UGDH: variants seen among roughly 807,000 people sequenced by gnomAD.
UGDH encodes the protein UDP-glucose 6-dehydrogenase.
Under a neutral mutation model 50.6 loss-of-function variants are expected in UGDH, and 38 were observed. That is an observed-to-expected ratio of 0.75 (90% CI 0.58 to 0.98). UGDH has a LOEUF of 0.98. Ranked by LOEUF, UGDH falls within the 50% of genes least tolerant of loss-of-function variation. UGDH has a pLI of 0.00. For synonymous variants in UGDH, 168 were observed against 199.9 expected (o/e 0.84, Z 1.35); for missense variants, 465 against 606.2 (o/e 0.77, Z 2.45).
rs777181206 is a variant in UGDH at position 39,514,100 on chromosome 4, C to T, written c.247G>A (p.Asp83Asn). 2.6e-5 allele frequency: 41 copies of T among 1,589,424 alleles called. No individual in the cohort carries two copies. The highest frequency in any genetic ancestry group is 3.4e-5 in the Non-Finnish European group (40 of 1,172,502). The change falls in exon 3 of 12, where the codon GAT becomes AAT. Residue 83 changes from aspartate to asparagine, a missense_variant. Asp to Asn is a conservative substitution (Grantham distance 23). Transcript: ENST00000316423. Reference sequence around the variant, plus strand: ...ATACTTACAGAAATAAATACAAGATCAGCTTCTTTGATGGCATCATCAATA... The same window carrying T: ...ATACTTACAGAAATAAATACAAGATTAGCTTCTTTGATGGCATCATCAATA... The part of the protein sequence containing the change: ...TNIDDAIKEA[D>N]LVFISVNTPT...
chr4:39,521,047 G>T (rs1439189316), intron 2 of UGDH, among the ~76,000 whole-genome samples: 1 of 146,760 alleles, frequency 6.8e-6, no homozygotes, highest in Non-Finnish European at 1.5e-5. Context: ...TCCAGCCTGG[G>T]CGACAGAGGA....
At chr4:39,519,600 G>C (rs577975648) in intron 2 of UGDH, among the ~76,000 whole-genome samples, 1 of 152,012 alleles carries the variant, frequency 6.6e-6, no homozygotes, top group Non-Finnish European at 1.5e-5. Flanking sequence ...GTACAATGGC[G>C]TGATCTCGGC....
In UGDH at chr4:39,505,904, T is replaced by TAAA. The variant is rs11290546; in HGVS notation, c.907-159_907-157dup. Among the ~76,000 whole-genome samples, 241 of 144,404 alleles carry TAAA rather than the reference T, an allele frequency of 1.7e-3. 1 individual carries two copies. The highest frequency in any genetic ancestry group is 4.9e-3 in the African/African-American group (193 of 39,252). The allele number at this position is 144,404 out of a possible 152,430, so 94.7% of individuals were successfully genotyped here. A position where few individuals can be genotyped will look rare whatever the true frequency, so the allele number is the denominator to read the frequency against. On this transcript the variant is annotated intron_variant, in intron 7 of 11. Transcript: ENST00000316423. ...TAACCAAACTCTAGTGCCTATGGAT[T>TAAA]AAAAAAAAAAAAAAATCACTCATCC...
intron 2 of UGDH, among the ~76,000 whole-genome samples, chr4:39,516,582 A>G (rs1746449368): frequency 6.6e-6 from 1 of 152,228 alleles, no homozygotes; most frequent in Non-Finnish European, 1.5e-5. Flanking sequence ...TGTCTATAGC[A>G]AAGTGAAAGC....
chr4:39,524,248 T>C (rs879293697), intron 1 of UGDH, among the ~76,000 whole-genome samples: 1 of 152,196 alleles, frequency 6.6e-6, no homozygotes, highest in Non-Finnish European at 1.5e-5. Flanking sequence ...GTAGAATCAG[T>C]GTCTACTCGT....
At chr4:39,505,894 GC>G in intron 7 of UGDH, 146 bp from the exon 8 acceptor site, 1 of 712,012 alleles carries the variant, frequency 1.4e-6, no homozygotes, top group Non-Finnish European at 2.0e-6. Context: ...AAACTCTAGT[GC>G]CTATGGATTA....
At chr4:39,514,247 A>C in intron 2 of UGDH, 63 bp from the exon 3 acceptor site, 1 of 1,228,890 alleles carries the variant, frequency 8.1e-7, no homozygotes, top group South Asian at 1.3e-5. Context: ...ATAACCTAAT[A>C]GTATAGAATT....
chr4:39,506,470 C>T (rs987027846), intron 7 of UGDH, among the ~76,000 whole-genome samples: 1 of 152,302 alleles, frequency 6.6e-6, no homozygotes, highest in East Asian at 1.9e-4. Context: ...CCAAAGTATT[C>T]CTTCATTTGC....
chr4:39,505,311 A>G lies in UGDH; in HGVS notation c.1097T>C (p.Ile366Thr). 11 of 1,601,470 alleles carry G rather than the reference A, an allele frequency of 6.9e-6. No individual in the cohort carries two copies. The highest frequency in any genetic ancestry group is 8.5e-6 in the Non-Finnish European group (10 of 1,175,350). Residue 366 changes from isoleucine (I) to threonine (T), a missense_variant, in exon 9 of 12, where the codon ATA becomes ACA. Ile to Thr is a moderately conservative substitution (Grantham distance 89). Coordinates refer to ENST00000316423, the MANE Select transcript of UGDH (RefSeq NM_003359.4). ...TTCCCTAGGTACTTTTGGATCATAT[A>G]TATGTAGATGTGCACCTTCATCCAT... ...YLMDEGAHLH[I>T]YDPKVPREQI...
chr4:39,505,628 C>T lies in UGDH; in HGVS notation c.1027G>A (p.Gly343Ser). The change falls in exon 8 of 12, where the codon GGT (glycine) becomes AGT (serine). Residue 343 changes from glycine (G) to serine (S), a missense_variant. Gly to Ser is a moderately conservative substitution (Grantham distance 56, BLOSUM62 0). Coordinates refer to ENST00000316423, the MANE Select transcript of UGDH (RefSeq NM_003359.4). ...ILGFAFKKDT[G>S]DTRESSSIYI... Reference sequence around the variant, plus strand: ...TTTAAAAACTGATACCTTGTATCACCAGTGTCCTTTTTGAATGCAAATCCC... The same window carrying T: ...TTTAAAAACTGATACCTTGTATCACTAGTGTCCTTTTTGAATGCAAATCCC... The T allele has an allele frequency of 1.9e-6, 3 of 1,603,222 alleles. No homozygotes were observed. Among genetic ancestry groups the T allele is most frequent in the Non-Finnish European group, 2.6e-6 (3 of 1,174,388 alleles).
At chr4:39,507,329 G>C (rs981225901) in intron 7 of UGDH, among the ~76,000 whole-genome samples, 1 of 152,346 alleles carries the variant, frequency 6.6e-6, no homozygotes, top group East Asian at 1.9e-4. Flanking sequence ...AGCTCTGTGA[G>C]TCTGAAAGGT....
chr4:39,509,655 G>C (rs1373545083), intron 6 of UGDH, 105 bp downstream of exon 6: 20 of 1,308,560 alleles, frequency 1.5e-5, no homozygotes, highest in Non-Finnish European at 1.9e-5. Flanking sequence ...CTACCTAACA[G>C]GTTATAAGGA....
Position 39,500,004 on chromosome 4 carries a change from T to C in UGDH, c.*139A>G, listed in dbSNP as rs1376875376. ...GAGATTGCACCACTGCACTCCAGCC[T>C]GGGCAACAGTGAGACTCTGTCTCAA... On this transcript the variant is annotated 3_prime_UTR_variant, in exon 12 of 12. Coordinates refer to ENST00000316423, the MANE Select transcript of UGDH (RefSeq NM_003359.4). The C allele has an allele frequency of 1.9e-6, 1 of 528,816 alleles. No homozygotes were observed. The highest frequency in any genetic ancestry group is 2.0e-5 in the African/African-American group (1 of 50,318). The allele number at this position is 528,816 out of a possible 1,614,324, so 32.8% of individuals were successfully genotyped here. A position where few individuals can be genotyped will look rare whatever the true frequency, so the allele number is the denominator to read the frequency against.
At chr4:39,522,597 T>G (rs1746708475) in intron 1 of UGDH, among the ~76,000 whole-genome samples, 1 of 152,132 alleles carries the variant, frequency 6.6e-6, no homozygotes, top group African/African-American at 2.4e-5. Flanking sequence ...TATTCTAAAT[T>G]TTCGTTTGGT....
At position 39,504,452 on chromosome 4, in the gene UGDH, C is replaced by A. The variant is rs770456604; in HGVS notation, c.1228G>T (p.Ala410Ser). 4 of 1,614,012 alleles carry A rather than the reference C, an allele frequency of 2.5e-6. No homozygotes were observed. The highest frequency in any genetic ancestry group is 3.4e-6 in the Non-Finnish European group (4 of 1,180,034). Residue 410 changes from alanine (A) to serine (S), a missense_variant, in exon 10 of 12, where the codon GCT becomes TCT. Coordinates refer to ENST00000316423, the MANE Select transcript of UGDH (RefSeq NM_003359.4). ...TCCCACTCAGTGCAAATAACAACAG[C>A]ATGGGCACCATCACATGCTTCATAT... ...DPYEACDGAHAVVICTEWDMF... is the reference protein window; with the variant it reads ...DPYEACDGAHSVVICTEWDMF...
intron 1 of UGDH, among the ~76,000 whole-genome samples, chr4:39,525,731 G>C (rs1448059262): frequency 1.3e-5 from 2 of 150,080 alleles, no homozygotes; most frequent in African/African-American, 2.5e-5. Flanking sequence ...GGATGGTCTC[G>C]ATCTCCTGAC....
At chr4:39,519,670 C>A (rs1480645066) in intron 2 of UGDH, among the ~76,000 whole-genome samples, 1 of 152,044 alleles carries the variant, frequency 6.6e-6, no homozygotes, top group Non-Finnish European at 1.5e-5. Flanking sequence ...TCCCGAGTAG[C>A]TGGGATTATA....
chr4:39,526,727 C>T (rs931588681), intron 1 of UGDH, among the ~76,000 whole-genome samples: 4 of 152,160 alleles, frequency 2.6e-5, no homozygotes, highest in Admixed American at 2.6e-4. Flanking sequence ...TCAAACAGAG[C>T]AATTCTGTGG....
At chr4:39,511,909 G>A (rs941712187) in intron 3 of UGDH, among the ~76,000 whole-genome samples, 12 of 149,652 alleles carry the variant, frequency 8.0e-5, no homozygotes, top group Admixed American at 6.0e-4. Context: ...CACCATGTTG[G>A]CCAGGGTGGT....
Sources: gnomAD v4.1 joint callset for allele counts (sites outside exome capture counted in the v4.1 genomes callset) on GRCh38, gnomAD v4.1.1 for gene constraint, MANE v1.5 for transcripts, NCBI Gene and HGNC (gene_info 2026-07-23, HGNC 2026-07-21) for gene names.